Variants in DLC1 observed in about 807,000 individuals in gnomAD.
DLC1 encodes DLC1 Rho GTPase activating protein.
In DLC1, 54 loss-of-function variants were observed where a neutral mutation model predicts 140.3. That is an observed-to-expected ratio of 0.38 (90% CI 0.31 to 0.48). DLC1 has a LOEUF of 0.48. DLC1 is among the 20% of genes least tolerant of loss of function. The pLI is 0.96. For missense variants in DLC1, 2,536 were observed against 1,907.0 expected (o/e 1.33, Z -6.14); for synonymous variants, 986 against 728.1 (o/e 1.35, Z -5.70).
At chr8:13,550,498 G>A (rs537304078) in intron 1 of DLC1, among the ~76,000 whole-genome samples, 3 of 152,124 alleles carry the variant, frequency 2.0e-5, no homozygotes, top group South Asian at 2.1e-4. Context: ...CAGGCAATTC[G>A]AATTTTAAAA....
chr8:13,304,046 C>A (rs1270183894), intron 5 of DLC1, among the ~76,000 whole-genome samples: 1 of 152,086 alleles, frequency 6.6e-6, no homozygotes, highest in Admixed American at 6.5e-5. Flanking sequence ...AATAGGATGA[C>A]AACTTTGTTC....
intron 4 of DLC1, among the ~76,000 whole-genome samples, chr8:13,392,082 TC>T (rs141158039): frequency 0.11 from 16,334 of 152,242 alleles, 1,073 homozygotes; most frequent in Non-Finnish European, 0.15. Flanking sequence ...AGAGCACCAT[TC>T]CATTTCAGTG....
chr8:13,163,975 C>G (rs1022189461), intron 5 of DLC1, among the ~76,000 whole-genome samples: 12 of 151,696 alleles, frequency 7.9e-5, no homozygotes, highest in Non-Finnish European at 1.8e-4. Flanking sequence ...TGCACTCCAG[C>G]CTGGATGACA....
At chr8:13,454,254 A>G (rs1799288961) in intron 2 of DLC1, among the ~76,000 whole-genome samples, 1 of 152,168 alleles carries the variant, frequency 6.6e-6, no homozygotes, top group Non-Finnish European at 1.5e-5. Flanking sequence ...AAAATCTTGT[A>G]AAGAAAACCA....
At chr8:13,566,695 C>G (rs1234265033) in intron 1 of DLC1, 2 of 386,310 alleles carry the variant, frequency 5.2e-6, no homozygotes, top group East Asian at 8.2e-5. Context: ...TCGACTTTAG[C>G]ACCAAAGAGA....
intron 5 of DLC1, among the ~76,000 whole-genome samples, chr8:13,190,418 A>T (rs56386408): frequency 6.6e-6 from 1 of 152,044 alleles, no homozygotes. Context: ...TCTGGTGTCA[A>T]TGCCACATAA....
chr8:13,192,990 C>T (rs1399674255), intron 5 of DLC1, among the ~76,000 whole-genome samples: 3 of 152,182 alleles, frequency 2.0e-5, no homozygotes, highest in Admixed American at 6.5e-5. Context: ...TACAGTGACC[C>T]TCTTGATGAA....
chr8:13,556,110 C>G (rs995944312), intron 1 of DLC1, among the ~76,000 whole-genome samples: 1 of 152,122 alleles, frequency 6.6e-6, no homozygotes, highest in South Asian at 2.1e-4. Flanking sequence ...CAGTGCTTCT[C>G]ACACCTCAAC....
intron 5 of DLC1, among the ~76,000 whole-genome samples, chr8:13,165,938 T>C (rs576146230): frequency 6.6e-6 from 1 of 152,158 alleles, no homozygotes; most frequent in Non-Finnish European, 1.5e-5. Context: ...CCAGGGTCAC[T>C]GATATGATTC....
In DLC1 at chr8:13,361,643, C is replaced by T. The variant is rs1671424; in HGVS notation, c.1314+31910G>A. 2.0e-4 allele frequency among the ~76,000 whole-genome samples: 30 copies of T among 151,872 alleles called. No homozygotes were observed. The South Asian group carries it at 5.8e-3, about 29-fold the overall frequency. The stretch of plus-strand genomic sequence containing the variant: ...AATAAGTAGAATGTGTTTAAAAAGT[C>T]CCCTTTACATATTATTATTTCCTAT... On this transcript the variant is annotated intron_variant, in intron 4 of 17. Coordinates refer to ENST00000276297, the MANE Select transcript of DLC1 (RefSeq NM_182643.3).
chr8:13,357,310 C>G (rs1834990190), intron 4 of DLC1, among the ~76,000 whole-genome samples: 1 of 152,136 alleles, frequency 6.6e-6, no homozygotes, highest in South Asian at 2.1e-4. Flanking sequence ...GAGATTACAT[C>G]CAAATTCACT....
intron 5 of DLC1, among the ~76,000 whole-genome samples, chr8:13,185,245 T>C (rs1240968825): frequency 2.6e-5 from 4 of 151,240 alleles, no homozygotes; most frequent in African/African-American, 9.7e-5. Context: ...CTGATGGGTC[T>C]TGACTCTTTA....
At chr8:13,433,414 A>G (rs1838976890) in intron 2 of DLC1, among the ~76,000 whole-genome samples, 1 of 152,194 alleles carries the variant, frequency 6.6e-6, no homozygotes. Context: ...ATCAAGAAAA[A>G]GCATGGATTA....
chr8:13,584,574 A>C (rs1479304290), intron 1 of DLC1: 3 of 152,196 alleles, frequency 2.0e-5, no homozygotes, highest in African/African-American at 7.2e-5. Context: ...ATAAAAACAC[A>C]TTGCAAAACA....
chr8:13,475,523 A>C (rs945443173), intron 2 of DLC1, among the ~76,000 whole-genome samples: 1 of 152,250 alleles, frequency 6.6e-6, no homozygotes, highest in African/African-American at 2.4e-5. Flanking sequence ...AATTAAACAA[A>C]GAAAGTGAAT....
chr8:13,183,102 G>C (rs1826135734), intron 5 of DLC1, among the ~76,000 whole-genome samples: 1 of 152,110 alleles, frequency 6.6e-6, no homozygotes, highest in South Asian at 2.1e-4. Flanking sequence ...GAGTTTACTA[G>C]TGATTTGGCT....
intron 4 of DLC1, among the ~76,000 whole-genome samples, chr8:13,327,253 G>C (rs1268947739): frequency 6.6e-6 from 1 of 151,378 alleles, no homozygotes; most frequent in African/African-American, 2.4e-5. Flanking sequence ...GATTACAGGC[G>C]TGAGCCACTG....
intron 5 of DLC1, among the ~76,000 whole-genome samples, chr8:13,243,513 A>C (rs1365962313): frequency 6.6e-6 from 1 of 152,132 alleles, no homozygotes; most frequent in Non-Finnish European, 1.5e-5. Context: ...CATGTGAGAA[A>C]AATTAGAGAC....
In DLC1 at chr8:13,579,359, A is replaced by ATT. The variant is rs1454934936; in HGVS notation, c.-126+25177_-126+25178insAA. 2.7e-3 allele frequency among the ~76,000 whole-genome samples: 74 copies of ATT among 27,182 alleles called. 18 individuals are homozygous for ATT. The highest frequency in any genetic ancestry group is 3.7e-3 in the Non-Finnish European group (62 of 16,620). 17.8% of individuals were successfully genotyped at this position (27,182 alleles called of 152,430 possible). A position where few individuals can be genotyped will look rare whatever the true frequency, so the allele number is the denominator to read the frequency against. ...TATATATATATATATATATATATAT[A>ATT]TATTTTTATATAATACATATTTATA... On this transcript the variant is annotated intron_variant, in intron 1 of 1. Transcript: ENST00000631382.
Sources: allele counts gnomAD v4.1 joint callset (sites outside exome capture counted in the v4.1 genomes callset), GRCh38; gene constraint gnomAD v4.1.1; transcripts MANE v1.5; gene names NCBI Gene and HGNC (gene_info 2026-07-23, HGNC 2026-07-21).